CNTNAP5: variants seen among roughly 807,000 people sequenced by gnomAD.
CNTNAP5 encodes the protein contactin associated protein family member 5.
A neutral mutation model predicts 150.2 loss-of-function variants in CNTNAP5; 72 were observed. The ratio of observed to expected loss-of-function variants is 0.48; its 90% CI spans 0.40 to 0.58. CNTNAP5 has a LOEUF of 0.58. Ranked by LOEUF, CNTNAP5 falls within the 20% of genes least tolerant of loss-of-function variation. CNTNAP5 has a pLI of 0.00. For missense variants in CNTNAP5, 1,636 were observed against 1,626.2 expected (o/e 1.01, Z -0.10); for synonymous variants, 672 against 619.8 (o/e 1.08, Z -1.25).
At chr2:124,727,127 C>T (rs1680173237) in intron 13 of CNTNAP5, among the ~76,000 whole-genome samples, 1 of 151,954 alleles carries the variant, frequency 6.6e-6, no homozygotes, top group Non-Finnish European at 1.5e-5. Context: ...TGTACTCTTG[C>T]CAAAGGTAGT....
chr2:124,660,974 A>C (rs929971921), intron 13 of CNTNAP5, among the ~76,000 whole-genome samples: 2 of 151,586 alleles, frequency 1.3e-5, no homozygotes, highest in African/African-American at 2.4e-5. Flanking sequence ...AAAAAGAAAA[A>C]AAAATTTACG....
At chr2:124,405,777 T>C (rs1299034830) in intron 3 of CNTNAP5, among the ~76,000 whole-genome samples, 4 of 152,216 alleles carry the variant, frequency 2.6e-5, no homozygotes, top group Non-Finnish European at 5.9e-5. Flanking sequence ...AATCGTGCTG[T>C]TTGCACTCTT....
At chr2:124,751,803 C>T (rs1301320476) in intron 14 of CNTNAP5, among the ~76,000 whole-genome samples, 2 of 152,204 alleles carry the variant, frequency 1.3e-5, no homozygotes, top group African/African-American at 4.8e-5. Flanking sequence ...TATGTTACAA[C>T]TCCTAGATAG....
intron 3 of CNTNAP5, among the ~76,000 whole-genome samples, chr2:124,305,288 A>G (rs1688660347): frequency 6.6e-6 from 1 of 151,986 alleles, no homozygotes; most frequent in South Asian, 2.1e-4. Flanking sequence ...AGACAAACAA[A>G]AAAGGTGACA....
At chr2:124,511,935 T>C (rs2104872901) in intron 8 of CNTNAP5, among the ~76,000 whole-genome samples, 1 of 152,174 alleles carries the variant, frequency 6.6e-6, no homozygotes, top group South Asian at 2.1e-4. Flanking sequence ...AGGGTTTTTT[T>C]TTTTTTTGCA....
chr2:124,856,430 G>T (rs1035554799), intron 19 of CNTNAP5, among the ~76,000 whole-genome samples: 1 of 152,136 alleles, frequency 6.6e-6, no homozygotes, highest in African/African-American at 2.4e-5. Context: ...TTCTACAATG[G>T]TTGTACTAGT....
intron 1 of CNTNAP5, among the ~76,000 whole-genome samples, chr2:124,155,075 G>GT (rs36194209): frequency 0.016 from 1,279 of 81,362 alleles, 21 homozygotes; most frequent in African/African-American, 0.047. Flanking sequence ...AACCATTCCC[G>GT]TTTTTTTTTT....
At position 124,456,165 on chromosome 2, in the gene CNTNAP5, C is replaced by A. The variant is rs374003045; in HGVS notation, c.918+9228C>A. 1.3e-3 allele frequency among the ~76,000 whole-genome samples: 200 copies of A among 152,228 alleles called. 1 individual carries two copies. Among genetic ancestry groups the A allele is most frequent in the African/African-American group, 4.8e-3 (198 of 41,550 alleles). ...ATTATATGATTGGTTACCTAGACAACCCTAAAGACTCATTCAGAAGCTCCT... is the reference window on the plus strand; with the variant it reads ...ATTATATGATTGGTTACCTAGACAAACCTAAAGACTCATTCAGAAGCTCCT... On this transcript the variant is annotated intron_variant, in intron 6 of 23. Coordinates refer to ENST00000682447, the MANE Select transcript of CNTNAP5 (RefSeq NM_001367498.1).
chr2:124,558,352 G>C (rs1033914026), intron 10 of CNTNAP5, among the ~76,000 whole-genome samples: 2 of 152,086 alleles, frequency 1.3e-5, no homozygotes, highest in South Asian at 4.1e-4. Context: ...CTAGTAAGGA[G>C]GGTGTTGACA....
At chr2:124,376,167 T>C (rs1261566447) in intron 3 of CNTNAP5, among the ~76,000 whole-genome samples, 2 of 152,116 alleles carry the variant, frequency 1.3e-5, no homozygotes, top group Non-Finnish European at 2.9e-5. Flanking sequence ...CAACCGTCTA[T>C]ACCAATATAG....
At chr2:124,662,240 T>G (rs1395322564) in intron 13 of CNTNAP5, among the ~76,000 whole-genome samples, 1 of 152,216 alleles carries the variant, frequency 6.6e-6, no homozygotes, top group African/African-American at 2.4e-5. Context: ...GATGGGCATG[T>G]GGGTTTGTTC....
chr2:124,026,423 C>A (rs1158033779), intron 1 of CNTNAP5, among the ~76,000 whole-genome samples: 1 of 152,178 alleles, frequency 6.6e-6, no homozygotes, highest in Non-Finnish European at 1.5e-5. Context: ...CTCTGTCGTC[C>A]AAGCTCTAAC....
chr2:124,172,771 CTCTCTCTCTGTGTG>C lies in CNTNAP5; in HGVS notation c.83-48932_83-48919del, dbSNP rs1161984922. Among the ~76,000 whole-genome samples the C allele has an allele frequency of 6.7e-3, 383 of 57,430 alleles. 1 individual carries two copies. The highest frequency in any genetic ancestry group is 0.021 in the African/African-American group (359 of 17,434). 37.7% of individuals were successfully genotyped at this position (57,430 alleles called of 152,430 possible). On this transcript the variant is annotated intron_variant, in intron 1 of 23. Coordinates refer to ENST00000682447, the MANE Select transcript of CNTNAP5 (RefSeq NM_001367498.1). ...ATGCTTGCTCTCTCTCTGGCTCTCT[CTCTCTCTCTGTGTG>C]TGTGTGTGTGTGTGTGTACATGTGT...
chr2:124,914,884 AT>A lies in CNTNAP5; in HGVS notation c.*600del. 1 of 151,934 alleles carries A rather than the reference AT, an allele frequency of 6.6e-6. No individual in the cohort carries two copies. The highest frequency in any genetic ancestry group is 1.9e-4 in the East Asian group (1 of 5,158). The allele number at this position is 151,934 out of a possible 1,614,324, so 9.4% of individuals were successfully genotyped here. Reference sequence around the variant, plus strand: ...TCACTATGACCCTTAGACCCTGAGTATTTTCAAATATATGATTGCTGATAGT... The same window carrying A: ...TCACTATGACCCTTAGACCCTGAGTATTTCAAATATATGATTGCTGATAGT... On this transcript the variant is annotated 3_prime_UTR_variant, in exon 24 of 24. Coordinates refer to ENST00000682447, the MANE Select transcript of CNTNAP5 (RefSeq NM_001367498.1).
intron 1 of CNTNAP5, among the ~76,000 whole-genome samples, chr2:124,093,011 A>G (rs1682850410): frequency 6.6e-6 from 1 of 152,230 alleles, no homozygotes; most frequent in African/African-American, 2.4e-5. Flanking sequence ...TCACACATTT[A>G]AAATGAATCA....
rs904557745 is a variant in CNTNAP5, at chr2:124,542,568, C to T, written c.1649+15112C>T. Among the ~76,000 whole-genome samples, 3 of 152,040 alleles carry T rather than the reference C, an allele frequency of 2.0e-5. No homozygotes were observed. In the East Asian group the frequency reaches 5.8e-4, roughly 29 times the overall value. ...TATTTCTCTTGTCTGGAGCTCCCTT[C>T]CCAGTTTCTTTTGCCCAAATCCAGC... On this transcript the variant is annotated intron_variant, in intron 10 of 23. Transcript: ENST00000682447.
intron 21 of CNTNAP5, among the ~76,000 whole-genome samples, chr2:124,889,654 C>G (rs1262586650): frequency 6.6e-6 from 1 of 152,020 alleles, no homozygotes; most frequent in Non-Finnish European, 1.5e-5. Flanking sequence ...TATGATATAG[C>G]TGGTGTTTAT....
intron 11 of CNTNAP5, among the ~76,000 whole-genome samples, chr2:124,588,492 GA>G (rs1696606993): frequency 6.6e-6 from 1 of 151,954 alleles, no homozygotes; most frequent in Admixed American, 6.6e-5. Flanking sequence ...TGCCCACTGA[GA>G]AGGTTCAAGC....
chr2:124,482,577 T>A (rs1693785070), intron 7 of CNTNAP5, among the ~76,000 whole-genome samples: 1 of 152,102 alleles, frequency 6.6e-6, no homozygotes, highest in South Asian at 2.1e-4. Context: ...TGAAGACCAA[T>A]GAGGTGTTTC....
Sources: allele counts gnomAD v4.1 joint callset (sites outside exome capture counted in the v4.1 genomes callset), GRCh38; gene constraint gnomAD v4.1.1; transcripts MANE v1.5; gene names NCBI Gene and HGNC (gene_info 2026-07-23, HGNC 2026-07-21).